PIP4P1: variants seen among roughly 807,000 people sequenced by gnomAD.
PIP4P1 encodes the protein type 1 phosphatidylinositol 4,5-bisphosphate 4-phosphatase.
In PIP4P1, 14 loss-of-function variants were observed where a neutral mutation model predicts 32.3. That is an observed-to-expected ratio of 0.43 (90% CI 0.29 to 0.68). The LOEUF is 0.68. Among genes scored for constraint, PIP4P1 ranks in the 30% least tolerant of loss-of-function variants. PIP4P1 has a pLI of 0.15. For missense variants in PIP4P1, 289 were observed against 364.5 expected (o/e 0.79, Z 1.69); for synonymous variants, 132 against 137.9 (o/e 0.96, Z 0.30).
chr14:20,460,391 G>A, intron 2 of PIP4P1, 93 bp from the exon 3 acceptor site: 1 of 943,886 alleles, frequency 1.1e-6, no homozygotes, highest in East Asian at 2.4e-5. Context: ...GAAAAATAAG[G>A]TGCTAACCAG....
At position 20,461,219 on chromosome 14, in the gene PIP4P1, C is replaced by T. The variant is rs773019722; in HGVS notation, c.107G>A (p.Gly36Glu). 14 of 1,255,902 alleles carry T rather than the reference C, an allele frequency of 1.1e-5. No individual in the cohort carries two copies. In the African/African-American group the frequency reaches 1.9e-4, roughly 17 times the overall value. 77.8% of individuals were successfully genotyped at this position (1,255,902 alleles called of 1,614,324 possible). The change falls in exon 1 of 7, where the codon GGA (glycine) becomes GAA (glutamate). Residue 36 changes from glycine (G) to glutamate (E), a missense_variant. Around this residue, in one of 2 missense-constraint regions of PIP4P1, gnomAD observed 108 missense variants for 101.2 expected, o/e 1.07. Transcript: ENST00000250489. Reference sequence around the variant, plus strand: ...CGGTGGTGCGGAGGGGGTCAGGCCTCCCCCGGGCCCAGCCCCACTCCCGCC... The same window carrying T: ...CGGTGGTGCGGAGGGGGTCAGGCCTTCCCCGGGCCCAGCCCCACTCCCGCC... Reference protein sequence around the residue: ...GPGGSGAGPGGGLTPSAPPYG... With the variant: ...GPGGSGAGPGEGLTPSAPPYG...
intron 6 of PIP4P1, 22 bp downstream of exon 6, chr14:20,459,184 A>G: frequency 6.2e-7 from 1 of 1,612,920 alleles, no homozygotes; most frequent in Non-Finnish European, 8.5e-7. Context: ...AGAATGAAAG[A>G]GGTTGGGGCA....
chr14:20,460,717 T>C lies in PIP4P1; in HGVS notation c.271A>G (p.Ile91Val), dbSNP rs201642863. The change falls in exon 2 of 7, where the codon ATC becomes GTC. Residue 91 changes from isoleucine to valine, a missense_variant. Physicochemically the swap from Ile to Val is conservative, Grantham distance 29 (BLOSUM62 3). This residue lies in a region of PIP4P1 where 181 missense variants were observed against 263.3 expected (regional missense o/e 0.69). Transcript: ENST00000250489. Reference sequence around the variant, plus strand: ...TGATGCATCTTGCCTTCCACGTTGATGAGAGATTGGCAGACTCGGCAGGTG... The same window carrying C: ...TGATGCATCTTGCCTTCCACGTTGACGAGAGATTGGCAGACTCGGCAGGTG... ...MITCRVCQSL[I>V]NVEGKMHQHV... is the part of the protein sequence containing the mutation. The C allele has an allele frequency of 5.6e-6, 9 of 1,614,012 alleles. No homozygotes were observed. In the East Asian group the frequency reaches 1.8e-4, roughly 32 times the overall value.
At position 20,459,264 on chromosome 14, in the gene PIP4P1, C is replaced by A. The variant is rs760910303; in HGVS notation, c.632G>T (p.Arg211Ile). The A allele has an allele frequency of 6.2e-7, 1 of 1,614,242 alleles. No individual in the cohort carries two copies. The highest frequency in any genetic ancestry group is 8.5e-7 in the Non-Finnish European group (1 of 1,180,042). ...SSIGRRYPRK[R>I]CICCFLLGLL... ...GCCAAGCAAGAAGCAGCAGATACAT[C>A]TCTTACGTGGGTATCTGCGCCCAAT... is the stretch of plus-strand genomic sequence containing the variant. Residue 211 changes from arginine (R) to isoleucine (I), a missense_variant, in exon 6 of 7, where the codon AGA becomes ATA. Transcript: ENST00000250489.
rs1323714612 is a variant in PIP4P1, at chr14:20,458,523, AG to A, written c.*35del. ...CCTTCGTAGTGTCACTGTCCCCACC[AG>A]GGAGGGGCCAGGCACAGTCTGTGGG... On this transcript the variant is annotated 3_prime_UTR_variant, in exon 7 of 7. Transcript: ENST00000250489. 3.1e-6 allele frequency: 5 copies of A among 1,608,124 alleles called. No individual in the cohort carries two copies. In the South Asian group the frequency reaches 5.5e-5, roughly 18 times the overall value.
chr14:20,460,065 C>T, intron 3 of PIP4P1, 127 bp downstream of exon 3: 2 of 743,610 alleles, frequency 2.7e-6, no homozygotes, highest in Non-Finnish European at 4.8e-6. Flanking sequence ...TCCTGAGGCA[C>T]ATGCTTCAAA....
At chr14:20,461,026 G>A in intron 1 of PIP4P1, 158 bp downstream of exon 1, 2 of 1,262,764 alleles carry the variant, frequency 1.6e-6, no homozygotes, top group Non-Finnish European at 2.0e-6. Context: ...CGCGATTACG[G>A]AGGGAAGGAA....
rs1231639823 is a variant in PIP4P1 at position 20,458,574 on chromosome 14, G to A, written c.819C>T (p.Val273=). The A allele has an allele frequency of 6.2e-7, 1 of 1,613,918 alleles. No homozygotes were observed. The highest frequency in any genetic ancestry group is 2.2e-5 in the East Asian group (1 of 44,882). The change falls in exon 7 of 7, where the codon GTC becomes GTT. Residue 273 remains valine, a synonymous_variant. Transcript: ENST00000250489. ...GTCATCAGGCTCAGGAGAAGTTCTG[G>A]ACAGGGTGGCTGACCTTCATACAGG... ...YWACMKVSHP[V]QNFS
At chr14:20,460,511 A>C (rs1338187233) in intron 2 of PIP4P1, 144 bp downstream of exon 2, 1 of 880,730 alleles carries the variant, frequency 1.1e-6, no homozygotes, top group African/African-American at 1.7e-5. Flanking sequence ...CTTCTGGGGA[A>C]ATGGCTGTGT....
At chr14:20,460,625 G>A in intron 2 of PIP4P1, 30 bp downstream of exon 2, 1 of 1,607,154 alleles carries the variant, frequency 6.2e-7, no homozygotes. Flanking sequence ...CCAGGAAACA[G>A]GGCCCATTTC....
chr14:20,457,978 G>A lies in PIP4P1; in HGVS notation c.*581C>T. On this transcript the variant is annotated 3_prime_UTR_variant, in exon 7 of 7. Transcript: ENST00000250489. ...CTGGGGGGGTAAAAAAGGTCGGGAG[G>A]AGGAATTAAGGGAAATACAGGAATA... is the stretch of plus-strand genomic sequence containing the variant. The A allele has an allele frequency of 3.2e-6, 1 of 312,682 alleles. No homozygotes were observed. The highest frequency in any genetic ancestry group is 6.2e-6 in the Non-Finnish European group (1 of 162,404). 19.4% of individuals were successfully genotyped at this position (312,682 alleles called of 1,614,324 possible).
chr14:20,458,699 C>T lies in PIP4P1; in HGVS notation c.694G>A (p.Gly232Ser). Residue 232 changes from glycine (G) to serine (S), a missense_variant, in exon 7 of 7, where the codon GGC (glycine) becomes AGC (serine). Around this residue, in one of 2 missense-constraint regions of PIP4P1, gnomAD observed 181 missense variants for 263.3 expected, o/e 0.69. Coordinates refer to ENST00000250489, the MANE Select transcript of PIP4P1 (RefSeq NM_144568.4). The stretch of plus-strand genomic sequence containing the variant: ...TATCGCCGTGCATGCTTCCATGTGC[C>T]AAACTGATGAAGATAAGGAGGGAGA... ...LAVTATGLAF[G>S]TWKHARRYGG... 1 of 1,611,334 alleles carries T rather than the reference C, an allele frequency of 6.2e-7. No individual in the cohort carries two copies. The highest frequency in any genetic ancestry group is 8.5e-7 in the Non-Finnish European group (1 of 1,178,928).
rs779170117 is a variant in PIP4P1, at chr14:20,460,713, T to A, written c.275A>T (p.Asn92Ile). Residue 92 changes from asparagine (N) to isoleucine (I), a missense_variant, in exon 2 of 7, where the codon AAC becomes ATC. Coordinates refer to ENST00000250489, the MANE Select transcript of PIP4P1 (RefSeq NM_144568.4). Reference protein sequence around the residue: ...ITCRVCQSLINVEGKMHQHVV... With the variant: ...ITCRVCQSLIIVEGKMHQHVV... ...ATGCTGATGCATCTTGCCTTCCACG[T>A]TGATGAGAGATTGGCAGACTCGGCA... is the stretch of plus-strand genomic sequence containing the variant. 2 of 1,613,990 alleles carry A rather than the reference T, an allele frequency of 1.2e-6. No individual in the cohort carries two copies. Among genetic ancestry groups the A allele is most frequent in the South Asian group, 2.2e-5 (2 of 91,084 alleles).
In PIP4P1 at chr14:20,459,823, C is replaced by T. The variant is rs917238360; in HGVS notation, c.441-90G>A. On this transcript the variant is annotated intron_variant, in intron 3 of 6. Transcript: ENST00000250489. ...CTTCACAGTCCCTGTTCCACATCCC[C>T]CACTCCCTGTCTATTAAGTCACTCG... 10 of 938,296 alleles carry T rather than the reference C, an allele frequency of 1.1e-5. No homozygotes were observed. The Admixed American group carries it at 1.9e-4, about 17-fold the overall frequency. The allele number at this position is 938,296 out of a possible 1,614,324, so 58.1% of individuals were successfully genotyped here.
At chr14:20,460,095 C>T in intron 3 of PIP4P1, 97 bp downstream of exon 3, 1 of 918,414 alleles carries the variant, frequency 1.1e-6, no homozygotes, top group Non-Finnish European at 1.8e-6. Flanking sequence ...CCTAAATAAA[C>T]ACTAGGCTCT....
Position 20,459,737 on chromosome 14 carries a change from T to A in PIP4P1, c.441-4A>T, listed in dbSNP as rs370486224. ...CCCCAGGTTGATGATTCTTTTGCTA[T>A]ACAAAAGAAAAAGACTTGTATTTTC... On this transcript the variant is annotated splice_polypyrimidine_tract_variant and splice_region_variant and intron_variant, in intron 3 of 6. Coordinates refer to ENST00000250489, the MANE Select transcript of PIP4P1 (RefSeq NM_144568.4). The A allele has an allele frequency of 6.2e-7, 1 of 1,607,916 alleles. No homozygotes were observed. Among genetic ancestry groups the A allele is most frequent in the East Asian group, 2.2e-5 (1 of 44,864 alleles).
Position 20,457,775 on chromosome 14 carries a change from T to C in PIP4P1, c.*784A>G. 5.9e-6 allele frequency: 3 copies of C among 510,220 alleles called. No homozygotes were observed. The South Asian group carries it at 6.2e-5, about 11-fold the overall frequency. The allele number at this position is 510,220 out of a possible 1,614,324, so 31.6% of individuals were successfully genotyped here. A position where few individuals can be genotyped will look rare whatever the true frequency, so the allele number is the denominator to read the frequency against. On this transcript the variant is annotated 3_prime_UTR_variant, in exon 7 of 7. Transcript: ENST00000250489. The stretch of plus-strand genomic sequence containing the variant: ...TAAAGAGCCATAGTTTCAGCCTTGC[T>C]GTCTTCGTGTCTTACCCCTTCGTGG...
chr14:20,458,934 A>G (rs979152295), intron 6 of PIP4P1: 22 of 637,304 alleles, frequency 3.5e-5, no homozygotes, highest in Non-Finnish European at 5.8e-5. Context: ...ATATCTGACA[A>G]CTGAGCCAGG....
chr14:20,459,601 C>T lies in PIP4P1; in HGVS notation c.546+27G>A, dbSNP rs776928559. On this transcript the variant is annotated intron_variant, in intron 4 of 6. Transcript: ENST00000250489. ...GAAATGACTCTTAGTCTCCTTTCCC[C>T]TCCCCTTCCCAATACCCCTTCCTCA... 21 of 1,599,812 alleles carry T rather than the reference C, an allele frequency of 1.3e-5. No individual in the cohort carries two copies. The Admixed American group carries it at 1.5e-4, about 11-fold the overall frequency.
Sources: gnomAD v4.1 joint callset for allele counts on GRCh38, gnomAD v4.1.1 for gene constraint, gnomAD v4.1.1 regional missense constraint, MANE v1.5 for transcripts, NCBI Gene and HGNC (gene_info 2026-07-23, HGNC 2026-07-21) for gene names.